Variants in UPRT observed in about 807,000 individuals in gnomAD.
The protein encoded by UPRT is uracil phosphoribosyltransferase homolog, also known as RP11-311P8.3.
UPRT carries 5 observed loss-of-function variants against 22.6 expected under a neutral mutation model. The observed-to-expected ratio is 0.22, with a 90% CI of 0.12 to 0.47. UPRT has a LOEUF of 0.47. UPRT is among the 20% of genes least tolerant of loss of function. The probability of loss-of-function intolerance (pLI) is 0.99; values close to 1 mark genes in which losing one functional copy is unlikely to be tolerated. For missense variants in UPRT, 181 were observed against 239.9 expected, an observed-to-expected ratio of 0.75 and a Z score of 1.62; for synonymous variants, 77 against 87.7, an observed-to-expected ratio of 0.88 and a Z score of 0.68.
intron 4 of UPRT, among the ~76,000 whole-genome samples, chrX:75,242,626 C>CTA (rs2082491968): frequency 2.8e-5 from 2 of 71,908 alleles, no homozygotes; most frequent in East Asian, 9.5e-4. Flanking sequence ...ACTTAAAAAT[C>CTA]AATAGATCTG....
intron 4 of UPRT, among the ~76,000 whole-genome samples, chrX:75,212,821 T>C (rs767773219): frequency 5.9e-4 from 66 of 111,456 alleles, no homozygotes; most frequent in Non-Finnish European, 1.1e-3. Context: ...TCAGGGTAAA[T>C]AGCTAATGTA....
intron 4 of UPRT, among the ~76,000 whole-genome samples, chrX:75,204,907 T>C (rs997635622): frequency 2.7e-5 from 3 of 110,462 alleles, no homozygotes; most frequent in African/African-American, 9.9e-5. Flanking sequence ...GGTGGGGACT[T>C]AGAGTATCCC....
chrX:75,172,182 T>A (rs1569257876), intron 4 of UPRT, among the ~76,000 whole-genome samples: 1 of 111,398 alleles, frequency 9.0e-6, no homozygotes, highest in Non-Finnish European at 1.9e-5. Flanking sequence ...GCTACCAGGA[T>A]GGGTAGAGAA....
At chrX:75,251,734 A>G (rs1313673811) in intron 4 of UPRT, among the ~76,000 whole-genome samples, 1 of 111,488 alleles carries the variant, frequency 9.0e-6, no homozygotes, top group African/African-American at 3.3e-5. Context: ...ATAGAACCAA[A>G]AAAGAGCCTG....
At chrX:75,205,413 A>T (rs868839265) in intron 4 of UPRT, among the ~76,000 whole-genome samples, 5 of 99,071 alleles carry the variant, frequency 5.0e-5, no homozygotes, top group Non-Finnish European at 4.1e-5. Context: ...AAAAAAAAAA[A>T]GAGAAGATTT....
At chrX:75,166,676 C>A (rs1461075009) in intron 3 of UPRT, among the ~76,000 whole-genome samples, 2 of 111,698 alleles carry the variant, frequency 1.8e-5, no homozygotes, top group South Asian at 3.7e-4. Flanking sequence ...TGAGCATATC[C>A]AAGCAGCTAC....
chrX:75,180,681 G>GTTTTTTTTT (rs59522302), intron 4 of UPRT, among the ~76,000 whole-genome samples: 5 of 43,895 alleles, frequency 1.1e-4, no homozygotes, highest in Non-Finnish European at 1.5e-4. Flanking sequence ...CCTTTTCTCT[G>GTTTTTTTTT]TTTTTTTTTT....
chrX:75,188,383 C>T (rs1231243931), intron 4 of UPRT, among the ~76,000 whole-genome samples: 1 of 112,129 alleles, frequency 8.9e-6, no homozygotes, highest in Non-Finnish European at 1.9e-5. Flanking sequence ...TGCCCGTTCT[C>T]AGATCTCCAG....
chrX:75,273,330 T>TA (rs1419163020), upstream of UPRT, among the ~76,000 whole-genome samples: 147 of 96,755 alleles, frequency 1.5e-3, no homozygotes, highest in Non-Finnish European at 2.0e-3. Flanking sequence ...ACTTAAAAGT[T>TA]AAAAAAAAAA....
At chrX:75,271,678 C>G (rs1482773915), upstream of UPRT, among the ~76,000 whole-genome samples, 1 of 111,900 alleles carries the variant, frequency 8.9e-6, no homozygotes, top group Non-Finnish European at 1.9e-5. Flanking sequence ...TTTTGCACAG[C>G]AAAAGGAACA....
intron 4 of UPRT, among the ~76,000 whole-genome samples, chrX:75,197,579 A>T (rs937310718): frequency 1.7e-4 from 19 of 111,921 alleles, no homozygotes; most frequent in African/African-American, 5.8e-4. Flanking sequence ...TCCAGAAATA[A>T]AACTGCAATA....
upstream of UPRT, among the ~76,000 whole-genome samples, chrX:75,273,222 G>T (rs2082617450): frequency 9.0e-6 from 1 of 110,707 alleles, no homozygotes; most frequent in African/African-American, 3.3e-5. Flanking sequence ...GACAACTAGT[G>T]GGTACTAGGC....
intron 4 of UPRT, among the ~76,000 whole-genome samples, chrX:75,213,451 T>A (rs1360734668): frequency 8.9e-6 from 1 of 111,973 alleles, no homozygotes; most frequent in Admixed American, 9.5e-5. Flanking sequence ...ATGAGTTTTA[T>A]TAAACAAAGT....
At chrX:75,196,305 A>T (rs1206597398) in intron 4 of UPRT, among the ~76,000 whole-genome samples, 1 of 112,078 alleles carries the variant, frequency 8.9e-6, no homozygotes, top group Non-Finnish European at 1.9e-5. Flanking sequence ...ACCTGGGACT[A>T]TAGGCACATG....
chrX:75,237,175 G>C (rs1301606736), intron 4 of UPRT, among the ~76,000 whole-genome samples: 1 of 112,450 alleles, frequency 8.9e-6, no homozygotes, highest in African/African-American at 3.2e-5. Flanking sequence ...AGACATTTAT[G>C]CAGCCAAAAG....
At chrX:75,276,674 G>A (rs2082632984) in intron 1 of UPRT, among the ~76,000 whole-genome samples, 1 of 111,602 alleles carries the variant, frequency 9.0e-6, no homozygotes, top group East Asian at 2.8e-4. Flanking sequence ...TAAATTAACT[G>A]GGAAATTTTA....
At chrX:75,157,723 G>A (rs944904047) in intron 1 of UPRT, among the ~76,000 whole-genome samples, 10 of 112,101 alleles carry the variant, frequency 8.9e-5, no homozygotes, top group African/African-American at 2.6e-4. Context: ...CAATAGTTCA[G>A]TCATAAAATA....
At chrX:75,277,170 A>T (rs1008080174) in intron 1 of UPRT, among the ~76,000 whole-genome samples, 1 of 111,803 alleles carries the variant, frequency 8.9e-6, no homozygotes. Context: ...CTCTTTGGCT[A>T]TTATGAATAA....
chrX:75,293,415 A>G, intron 1 of UPRT, 57 bp from the exon 2 acceptor site: 1 of 1,095,840 alleles, frequency 9.1e-7, no homozygotes, highest in Non-Finnish European at 1.2e-6. Context: ...TACATATTAA[A>G]TAACATTTTG....
Sources: gnomAD v4.1 joint callset for allele counts (sites outside exome capture counted in the v4.1 genomes callset) on GRCh38, gnomAD v4.1.1 for gene constraint, MANE v1.5 for transcripts, NCBI Gene and HGNC (gene_info 2026-07-23, HGNC 2026-07-21) for gene names.